NSUN7: variants seen among roughly 807,000 people sequenced by gnomAD.
NSUN7 encodes the protein protein NSUN7.
A neutral mutation model predicts 58.5 loss-of-function variants in NSUN7; 39 were observed. The observed-to-expected ratio is 0.67, with a 90% CI of 0.52 to 0.87. The LOEUF is 0.87. Ranked by LOEUF, NSUN7 falls within the 40% of genes least tolerant of loss-of-function variation. The probability of loss-of-function intolerance (pLI) is 0.00; values close to 1 mark genes in which losing one functional copy is unlikely to be tolerated. For missense variants in NSUN7, 765 were observed against 844.1 expected (o/e 0.91, Z 1.16); for synonymous variants, 278 against 303.7 (o/e 0.92, Z 0.88).
chr4:40,752,603 G>T (rs1161894151), intron 2 of NSUN7, among the ~76,000 whole-genome samples: 1 of 152,106 alleles, frequency 6.6e-6, no homozygotes, highest in Non-Finnish European at 1.5e-5. Flanking sequence ...TGTATTTTTA[G>T]TAGAGACGGG....
rs1410928359 is a variant in NSUN7, at chr4:40,750,673, C to T, written c.-21C>T. The stretch of plus-strand genomic sequence containing the variant: ...AATTCTAACCCCAGGGTGAAGGACT[C>T]ACGACAGGCGAGGGGCAGACATGCT... On this transcript the variant is annotated 5_prime_UTR_variant, in exon 2 of 12. Transcript: ENST00000381782. 2 of 1,609,320 alleles carry T rather than the reference C, an allele frequency of 1.2e-6. No individual in the cohort carries two copies. The highest frequency in any genetic ancestry group is 1.7e-6 in the Non-Finnish European group (2 of 1,177,538).
chr4:40,767,902 A>G (rs1264741565), intron 4 of NSUN7, among the ~76,000 whole-genome samples: 1 of 152,172 alleles, frequency 6.6e-6, no homozygotes, highest in Non-Finnish European at 1.5e-5. Context: ...CCAGTACCCA[A>G]GCTTATGTTA....
chr4:40,757,720 A>G (rs918561025), intron 2 of NSUN7, among the ~76,000 whole-genome samples: 3 of 52,240 alleles, frequency 5.7e-5, no homozygotes, highest in East Asian at 5.6e-4. Flanking sequence ...GTGTGTGTGT[A>G]TATATACACA....
chr4:40,756,564 G>A (rs866045364), intron 2 of NSUN7, among the ~76,000 whole-genome samples: 2 of 152,290 alleles, frequency 1.3e-5, no homozygotes, highest in Middle Eastern at 3.4e-3. Flanking sequence ...ATAAGAGGAA[G>A]GCAGCATAAT....
intron 9 of NSUN7, among the ~76,000 whole-genome samples, chr4:40,797,642 C>T (rs886608939): frequency 6.6e-6 from 1 of 152,180 alleles, no homozygotes; most frequent in Non-Finnish European, 1.5e-5. Context: ...CCACCACTAC[C>T]ACGGTGTCCA....
chr4:40,772,252 G>A (rs1008837784), intron 4 of NSUN7, among the ~76,000 whole-genome samples: 10 of 152,080 alleles, frequency 6.6e-5, no homozygotes, highest in Non-Finnish European at 1.2e-4. Context: ...GAATAATTCA[G>A]TAATATCATT....
chr4:40,798,112 G>A (rs577913296), intron 9 of NSUN7, among the ~76,000 whole-genome samples: 5 of 151,990 alleles, frequency 3.3e-5, no homozygotes, highest in Admixed American at 2.0e-4. Flanking sequence ...TCCCTCACCC[G>A]GCTCTGCTTT....
intron 7 of NSUN7, among the ~76,000 whole-genome samples, chr4:40,777,332 A>T (rs541194193): frequency 7.3e-5 from 11 of 151,678 alleles, no homozygotes; most frequent in East Asian, 3.9e-4. Context: ...ATTTTTTTAA[A>T]TTTTTTTTTA....
chr4:40,758,142 A>G (rs535835520), intron 2 of NSUN7, among the ~76,000 whole-genome samples: 57 of 151,550 alleles, frequency 3.8e-4, no homozygotes, highest in African/African-American at 1.3e-3. Flanking sequence ...CTGGCCTTGA[A>G]CTCCTGACCT....
chr4:40,764,348 C>T (rs192698132), intron 4 of NSUN7, among the ~76,000 whole-genome samples: 4,426 of 149,586 alleles, frequency 0.03, 73 homozygotes, highest in Middle Eastern at 0.069. Flanking sequence ...TTTGTCCTTG[C>T]GATAGTTTAC....
intron 2 of NSUN7, among the ~76,000 whole-genome samples, chr4:40,755,339 C>T (rs995007218): frequency 3.3e-5 from 5 of 152,104 alleles, no homozygotes; most frequent in South Asian, 2.1e-4. Context: ...CCACCTGCCT[C>T]GGCCTCCCAA....
chr4:40,758,067 C>T (rs780633422), intron 2 of NSUN7, among the ~76,000 whole-genome samples: 4 of 151,940 alleles, frequency 2.6e-5, no homozygotes, highest in African/African-American at 2.4e-5. Flanking sequence ...ATTAGAGGTG[C>T]GCCACCACGC....
intron 2 of NSUN7, among the ~76,000 whole-genome samples, chr4:40,755,554 A>G (rs890089217): frequency 1.3e-5 from 2 of 152,176 alleles, no homozygotes; most frequent in Admixed American, 1.3e-4. Flanking sequence ...TGAACTTCGA[A>G]TCCCAGGAAC....
chr4:40,806,367 A>G lies in NSUN7; in HGVS notation c.1401-694A>G, dbSNP rs201213887. ...GAATAGTGTTTAATTGCTTTAACTT[A>G]TTATTAAATATATTTTAATAATATA... On this transcript the variant is annotated intron_variant, in intron 10 of 11. Transcript: ENST00000381782. Among the ~76,000 whole-genome samples the G allele has an allele frequency of 3.0e-4, 45 of 152,330 alleles. No homozygotes were observed. In the East Asian group the frequency reaches 8.7e-3, roughly 29 times the overall value.
chr4:40,802,311 T>C (rs565186472), intron 10 of NSUN7, among the ~76,000 whole-genome samples: 2 of 151,794 alleles, frequency 1.3e-5, no homozygotes, highest in African/African-American at 4.8e-5. Context: ...CACTGTAGTT[T>C]TGAGTGGGTT....
At position 40,808,671 on chromosome 4, in the gene NSUN7, G is replaced by C. The variant is rs763392798; in HGVS notation, c.1889G>C (p.Arg630Pro). 20 of 1,551,680 alleles carry C rather than the reference G, an allele frequency of 1.3e-5. No individual in the cohort carries two copies. The highest frequency in any genetic ancestry group is 1.7e-5 in the Non-Finnish European group (20 of 1,147,004). ...ACTTGTCCCTCCAGACCGCGTGAAC[G>C]GCAGACACACTTCTTAAGACCTCGG... is the stretch of plus-strand genomic sequence containing the variant. Reference protein sequence around the residue: ...KNTCPSRPRERQTHFLRPRPE... With the variant: ...KNTCPSRPREPQTHFLRPRPE... The change falls in exon 12 of 12, where the codon CGG (arginine) becomes CCG (proline). Residue 630 changes from arginine to proline, a missense_variant. Transcript: ENST00000381782.
chr4:40,752,268 C>T (rs533846659), intron 2 of NSUN7, among the ~76,000 whole-genome samples: 2 of 152,268 alleles, frequency 1.3e-5, no homozygotes, highest in East Asian at 1.9e-4. Flanking sequence ...CATCCTTGCT[C>T]GTAGGAGGCA....
chr4:40,790,612 A>T lies in NSUN7; in HGVS notation c.1047A>T (p.Ile349=). 6.5e-7 allele frequency: 1 copy of T among 1,549,182 alleles called. No individual in the cohort carries two copies. The highest frequency in any genetic ancestry group is 8.8e-7 in the Non-Finnish European group (1 of 1,141,690). The change falls in exon 8 of 12, where the codon ATA becomes ATT. Residue 349 remains isoleucine (I), a synonymous_variant. Transcript: ENST00000381782. ...FTKIGCKNIE[I]LHEKFINIES... ...GTGTTTTTTCCCCAGATATTGAAAT[A>T]CTTCATGAGAAATTTATTAACATTG...
intron 2 of NSUN7, among the ~76,000 whole-genome samples, chr4:40,753,514 A>C (rs1042642890): frequency 6.6e-6 from 1 of 152,022 alleles, no homozygotes; most frequent in South Asian, 2.1e-4. Context: ...CTCGTGATCC[A>C]CCTGCCTTGG....
Sources: gnomAD v4.1 joint callset for allele counts (sites outside exome capture counted in the v4.1 genomes callset) on GRCh38, gnomAD v4.1.1 for gene constraint, MANE v1.5 for transcripts, NCBI Gene and HGNC (gene_info 2026-07-23, HGNC 2026-07-21) for gene names.